The following KLHL5 variants were observed in gnomAD, a reference collection of about 807,000 sequenced individuals.
KLHL5 encodes the protein kelch-like protein 5.
In KLHL5, 48 loss-of-function variants were observed where a neutral mutation model predicts 77.7. The ratio of observed to expected loss-of-function variants is 0.62; its 90% confidence interval spans 0.49 to 0.79. KLHL5 has a LOEUF of 0.79. KLHL5 is among the 30% of genes least tolerant of loss of function. KLHL5 has a pLI of 0.00. For missense variants in KLHL5, 723 were observed against 859.7 expected, an observed-to-expected ratio of 0.84 and a Z score of 1.99; for synonymous variants, 260 against 297.0, an observed-to-expected ratio of 0.88 and a Z score of 1.28.
At chr4:39,111,679 T>C (rs1376523146) in intron 8 of KLHL5, among the ~76,000 whole-genome samples, 1 of 152,206 alleles carries the variant, frequency 6.6e-6, no homozygotes, top group Non-Finnish European at 1.5e-5. Flanking sequence ...AAGTTACTAA[T>C]AGATAAAAGT....
intron 6 of KLHL5, among the ~76,000 whole-genome samples, chr4:39,100,636 C>T (rs574054641): frequency 6.6e-6 from 1 of 152,274 alleles, no homozygotes; most frequent in East Asian, 1.9e-4. Flanking sequence ...GGCATTTTGG[C>T]TTTGGAGATG....
At position 39,117,139 on chromosome 4, in the gene KLHL5, A is replaced by C. The variant is rs553516581; in HGVS notation, c.2073+1809A>C. ...CATGAGCCACCATGCCCAGCCCCCA[A>C]AATTTTGAAAAATTAGCAAGGTGTG... is the stretch of plus-strand genomic sequence containing the variant. On this transcript the variant is annotated intron_variant, in intron 10 of 10. Coordinates refer to ENST00000504108, the MANE Select transcript of KLHL5 (RefSeq NM_015990.5). Among the ~76,000 whole-genome samples, 25 of 152,108 alleles carry C rather than the reference A, an allele frequency of 1.6e-4. No homozygotes were observed. In the South Asian group the frequency reaches 4.6e-3, roughly 28 times the overall value.
At chr4:39,047,428 A>G (rs1399348857) in intron 1 of KLHL5, among the ~76,000 whole-genome samples, 1 of 152,240 alleles carries the variant, frequency 6.6e-6, no homozygotes, top group African/African-American at 2.4e-5. Context: ...AAAAAATAAA[A>G]AAAGATGAGT....
chr4:39,088,263 T>C (rs1030043772), intron 5 of KLHL5, among the ~76,000 whole-genome samples: 2 of 152,188 alleles, frequency 1.3e-5, no homozygotes, highest in Non-Finnish European at 2.9e-5. Context: ...ATATCTCTTA[T>C]CCAGGATACT....
chr4:39,065,130 C>T (rs901449743), intron 1 of KLHL5, among the ~76,000 whole-genome samples: 1 of 151,854 alleles, frequency 6.6e-6, no homozygotes, highest in African/African-American at 2.4e-5. Flanking sequence ...TAGAAAAGTC[C>T]TTTGTGTGTA....
intron 8 of KLHL5, chr4:39,112,646 C>A: frequency 5.0e-6 from 1 of 198,656 alleles, no homozygotes; most frequent in Non-Finnish European, 1.0e-5. Flanking sequence ...ATAATAAAGT[C>A]TTAACTATTA....
chr4:39,091,377 C>T (rs1358768933), intron 5 of KLHL5, among the ~76,000 whole-genome samples: 1 of 152,086 alleles, frequency 6.6e-6, no homozygotes, highest in African/African-American at 2.4e-5. Flanking sequence ...CCTCCCACCT[C>T]GGCTTCTCAA....
downstream of KLHL5, among the ~76,000 whole-genome samples, chr4:39,128,865 C>A (rs1277796044): frequency 6.6e-6 from 1 of 151,972 alleles, no homozygotes; most frequent in Non-Finnish European, 1.5e-5. Context: ...ACTCAGGAGG[C>A]AGAGACAGGA....
In KLHL5 at chr4:39,107,645, A is replaced by T; in HGVS notation, c.1602A>T (p.Arg534Ser). ...DGWSYLNTVE[R>S]WDPQARQWNF... ...GGAGCTATCTGAACACAGTGGAAAGATGGGACCCTCAGGCTCGCCAGTGGA... is the reference window on the plus strand; with the variant it reads ...GGAGCTATCTGAACACAGTGGAAAGTTGGGACCCTCAGGCTCGCCAGTGGA... The change falls in exon 8 of 11, where the codon AGA (arginine) becomes AGT (serine). Residue 534 changes from arginine to serine, a missense_variant. Physicochemically the swap from Arg to Ser is moderately radical, Grantham distance 110. Coordinates refer to ENST00000504108, the MANE Select transcript of KLHL5 (RefSeq NM_015990.5). 6.2e-7 allele frequency: 1 copy of T among 1,612,912 alleles called. No homozygotes were observed. Among genetic ancestry groups the T allele is most frequent in the Non-Finnish European group, 8.5e-7 (1 of 1,179,096 alleles).
rs71643268 is a variant in KLHL5, at chr4:39,124,802, C to CAAAAAAAA, written c.*3753_*3760dup. On this transcript the variant is annotated 3_prime_UTR_variant, in exon 11 of 11. Transcript: ENST00000504108. ...GCACCAAAAGCACAAGCAACAACAG[C>CAAAAAAAA]AAAAAAAAAAAAAAAAAAAAAAAAT... 3.9e-3 allele frequency among the ~76,000 whole-genome samples: 172 copies of CAAAAAAAA among 44,038 alleles called. 2 individuals carry two copies. Among genetic ancestry groups the CAAAAAAAA allele is most frequent in the African/African-American group, 7.9e-3 (107 of 13,520 alleles). 28.9% of individuals were successfully genotyped at this position (44,038 alleles called of 152,430 possible). A position where few individuals can be genotyped will look rare whatever the true frequency, so the allele number is the denominator to read the frequency against.
chr4:39,045,324 C>G (rs888074308), intron 1 of KLHL5, among the ~76,000 whole-genome samples: 3 of 150,848 alleles, frequency 2.0e-5, no homozygotes, highest in African/African-American at 7.3e-5. Context: ...CCGGCCTCCC[C>G]GCTGCGCACC....
At chr4:39,128,326 G>A (rs1254479685), downstream of KLHL5, among the ~76,000 whole-genome samples, 1 of 152,050 alleles carries the variant, frequency 6.6e-6, no homozygotes, top group Non-Finnish European at 1.5e-5. Flanking sequence ...CTGAAACACA[G>A]AACAGAAAGA....
rs189279231 is a variant in KLHL5, at chr4:39,118,625, G to A, written c.2074-2385G>A. 2.4e-4 allele frequency among the ~76,000 whole-genome samples: 36 copies of A among 152,172 alleles called. No individual in the cohort carries two copies. The South Asian group carries it at 5.2e-3, about 22-fold the overall frequency. On this transcript the variant is annotated intron_variant, in intron 10 of 10. Coordinates refer to ENST00000504108, the MANE Select transcript of KLHL5 (RefSeq NM_015990.5). Reference sequence around the variant, plus strand: ...ACAAAAGTTAGCTGGGCGTGGTGGCGTGCACCTATAATCCCAGCTACTTGG... The same window carrying A: ...ACAAAAGTTAGCTGGGCGTGGTGGCATGCACCTATAATCCCAGCTACTTGG...
chr4:39,096,559 T>C (rs1721084307), intron 5 of KLHL5, 133 bp from the exon 6 acceptor site: 1 of 603,816 alleles, frequency 1.7e-6, no homozygotes, highest in Admixed American at 3.2e-5. Context: ...TTGCATATTT[T>C]AGTTAAAAAT....
At chr4:39,087,418 TATATTA>T (rs1431656616) in intron 5 of KLHL5, among the ~76,000 whole-genome samples, 1 of 152,214 alleles carries the variant, frequency 6.6e-6, no homozygotes, top group Non-Finnish European at 1.5e-5. Context: ...ATTAACAAGG[TATATTA>T]ATAGTCAAAG....
chr4:39,075,630 G>C (rs140525419), intron 1 of KLHL5, among the ~76,000 whole-genome samples: 6 of 151,970 alleles, frequency 3.9e-5, no homozygotes, highest in African/African-American at 1.5e-4. Context: ...TAAATATAAC[G>C]TTAGGAGATG....
the KLHL5 span, among the ~76,000 whole-genome samples, chr4:39,137,968 C>G: frequency 1.3e-4 from 20 of 152,246 alleles, no homozygotes; most frequent in Admixed American, 5.9e-4. Context: ...AAAAAAAGCT[C>G]AGCATCACTG....
chr4:39,095,604 TATATATATAC>T (rs890947646), intron 5 of KLHL5, among the ~76,000 whole-genome samples: 48 of 151,918 alleles, frequency 3.2e-4, no homozygotes, highest in African/African-American at 9.9e-4. Context: ...CATATACACG[TATATATATAC>T]ATATATATAC....
the KLHL5 span, among the ~76,000 whole-genome samples, chr4:39,142,042 C>G: frequency 6.6e-6 from 1 of 152,124 alleles, no homozygotes; most frequent in Non-Finnish European, 1.5e-5. Context: ...CTCCACCATT[C>G]TGTTATGTTT....
Sources: allele counts gnomAD v4.1 joint callset (sites outside exome capture counted in the v4.1 genomes callset), GRCh38; gene constraint gnomAD v4.1.1; transcripts MANE v1.5; gene names NCBI Gene and HGNC (gene_info 2026-07-23, HGNC 2026-07-21).